Variants in GSK3B observed in about 807,000 individuals in gnomAD.
GSK3B encodes glycogen synthase kinase 3 beta, also known as glycogen synthase kinase-3 beta.
GSK3B carries 15 observed loss-of-function variants against 56.4 expected under a neutral mutation model. That is an observed-to-expected ratio of 0.27 (90% CI 0.18 to 0.41). GSK3B has a LOEUF of 0.41. GSK3B is among the 10% of genes least tolerant of loss of function. The pLI, the probability that GSK3B is intolerant of heterozygous loss-of-function variation, is 1.00. For missense variants in GSK3B, 300 were observed against 513.4 expected (o/e 0.58, Z 4.02); for synonymous variants, 181 against 188.9 (o/e 0.96, Z 0.34).
intron 2 of GSK3B, among the ~76,000 whole-genome samples, chr3:119,956,673 T>C (rs1172337322): frequency 1.3e-5 from 2 of 152,098 alleles, no homozygotes; most frequent in Non-Finnish European, 1.5e-5. Flanking sequence ...AAAAAGAAAT[T>C]AGTCAGAAAG....
intron 9 of GSK3B, among the ~76,000 whole-genome samples, chr3:119,849,126 T>C (rs1005742687): frequency 9.9e-5 from 15 of 152,202 alleles, no homozygotes; most frequent in African/African-American, 2.2e-4. Context: ...AAAGCATTAA[T>C]ATGTGGTTTT....
At chr3:119,954,333 T>C (rs2057191260) in intron 2 of GSK3B, among the ~76,000 whole-genome samples, 1 of 151,466 alleles carries the variant, frequency 6.6e-6, no homozygotes, top group Admixed American at 6.6e-5. Context: ...CAGAACAGCA[T>C]AGCATAAAAT....
chr3:119,998,087 A>T (rs941703071), intron 2 of GSK3B, among the ~76,000 whole-genome samples: 1 of 152,238 alleles, frequency 6.6e-6, no homozygotes, highest in African/African-American at 2.4e-5. Flanking sequence ...TATCACAAGC[A>T]AAGTCAACAC....
chr3:119,909,359 T>C (rs2056714300), intron 6 of GSK3B, among the ~76,000 whole-genome samples: 1 of 152,178 alleles, frequency 6.6e-6, no homozygotes, highest in Admixed American at 6.5e-5. Flanking sequence ...GGGGATGTTT[T>C]TGGTTTATTA....
intron 2 of GSK3B, among the ~76,000 whole-genome samples, chr3:119,957,199 A>C (rs1475971646): frequency 6.6e-6 from 1 of 152,214 alleles, no homozygotes; most frequent in African/African-American, 2.4e-5. Context: ...CATAACTATA[A>C]TTAGTGTGTA....
chr3:120,051,074 C>T (rs1299334886), intron 1 of GSK3B, among the ~76,000 whole-genome samples: 1 of 149,384 alleles, frequency 6.7e-6, no homozygotes, highest in Non-Finnish European at 1.5e-5. Flanking sequence ...ATCAGTGGGC[C>T]AAACACCAGG....
At chr3:119,950,686 T>C (rs1459913517) in intron 2 of GSK3B, among the ~76,000 whole-genome samples, 1 of 152,156 alleles carries the variant, frequency 6.6e-6, no homozygotes, top group African/African-American at 2.4e-5. Flanking sequence ...TCCCCCACAA[T>C]ACTTATAAAA....
At chr3:120,028,581 C>A (rs988741923) in intron 1 of GSK3B, among the ~76,000 whole-genome samples, 3 of 152,258 alleles carry the variant, frequency 2.0e-5, no homozygotes, top group Non-Finnish European at 4.4e-5. Context: ...AGCTCTACCT[C>A]TTCTGTGATC....
At chr3:119,842,242 G>A (rs983370777) in intron 10 of GSK3B, among the ~76,000 whole-genome samples, 10 of 152,090 alleles carry the variant, frequency 6.6e-5, no homozygotes, top group African/African-American at 2.4e-4. Context: ...CAAGGACACC[G>A]GTTCTCACTA....
chr3:119,831,395 T>C lies in GSK3B; in HGVS notation c.1196-4540A>G, dbSNP rs903029905. ...AGAGTGGGCCGGGCGCGGTGGCTCA[T>C]GACTGTAATCCCAGCACTTTGGGAG... On this transcript the variant is annotated intron_variant, in intron 10 of 10. Coordinates refer to ENST00000264235, the MANE Select transcript of GSK3B (RefSeq NM_001146156.2). Among the ~76,000 whole-genome samples, 7 of 152,218 alleles carry C rather than the reference T, an allele frequency of 4.6e-5. No individual in the cohort carries two copies. In the South Asian group the frequency reaches 6.2e-4, roughly 14 times the overall value.
intron 1 of GSK3B, among the ~76,000 whole-genome samples, chr3:120,026,076 A>G (rs2057920386): frequency 6.6e-6 from 1 of 152,246 alleles, no homozygotes; most frequent in South Asian, 2.1e-4. Context: ...AAGTTGGGAA[A>G]GAAAATGTAT....
At position 119,863,425 on chromosome 3, in the gene GSK3B, T is replaced by A; in HGVS notation, c.1090A>T (p.Thr364Ser). The A allele has an allele frequency of 1.9e-6, 3 of 1,612,766 alleles. No individual in the cohort carries two copies. Among genetic ancestry groups the A allele is most frequent in the Non-Finnish European group, 2.5e-6 (3 of 1,178,828 alleles). ...GCTAAGTGTTTGGAGTTACCTTGAG[T>A]GGTGAAGTTGAAGAGTGCAGGTGTG... Reference protein sequence around the residue: ...RDTPALFNFTTQELSSNPPLA... With the variant: ...RDTPALFNFTSQELSSNPPLA... Residue 364 changes from threonine (T) to serine (S), a missense_variant, in exon 9 of 11, where the codon ACT becomes TCT. Around this residue, in one of 6 missense-constraint regions of GSK3B, gnomAD observed 88 missense variants for 92.7 expected, o/e 0.95. Transcript: ENST00000264235.
chr3:119,977,119 C>T lies in GSK3B; in HGVS notation c.282+24927G>A, dbSNP rs140526798. 3.1e-3 allele frequency among the ~76,000 whole-genome samples: 474 copies of T among 152,258 alleles called. 4 individuals carry two copies. The highest frequency in any genetic ancestry group is 7.5e-3 in the Admixed American group (115 of 15,298). On this transcript the variant is annotated intron_variant, in intron 2 of 10. Transcript: ENST00000264235. ...TTTTAACAGCAAACTCAATACAGTT[C>T]TTCCACATCAATCTTTGTTAATTCC...
At chr3:119,832,586 A>G (rs1160716158) in intron 10 of GSK3B, among the ~76,000 whole-genome samples, 1 of 152,244 alleles carries the variant, frequency 6.6e-6, no homozygotes, top group Non-Finnish European at 1.5e-5. Flanking sequence ...TCCCTACACA[A>G]TTAGGTGTGC....
chr3:119,923,394 C>A lies in GSK3B; in HGVS notation c.456G>T (p.Thr152=), dbSNP rs17183890. ...VARHYSRAKQ[T]LPVIYVKLYM... is the part of the protein sequence containing the mutation. Reference sequence around the variant, plus strand: ...ATACCTTGACATAAATCACAGGGAGCGTCTGTTTGGCTCGACTATAGTGTC... The same window carrying A: ...ATACCTTGACATAAATCACAGGGAGAGTCTGTTTGGCTCGACTATAGTGTC... The change falls in exon 4 of 11, where the codon ACG becomes ACT. Residue 152 remains threonine, a synonymous_variant. Coordinates refer to ENST00000264235, the MANE Select transcript of GSK3B (RefSeq NM_001146156.2). 1.3e-6 allele frequency: 2 copies of A among 1,573,906 alleles called. No homozygotes were observed. Among genetic ancestry groups the A allele is most frequent in the African/African-American group, 2.7e-5 (2 of 74,084 alleles).
At chr3:119,919,648 A>C (rs1027757124) in intron 4 of GSK3B, among the ~76,000 whole-genome samples, 6 of 152,028 alleles carry the variant, frequency 3.9e-5, no homozygotes, top group Non-Finnish European at 7.4e-5. Context: ...TTTCTTTTTT[A>C]AAATACAGGA....
chr3:119,823,116 C>A lies in GSK3B; in HGVS notation c.*3672G>T, dbSNP rs1027698632. The A allele has an allele frequency of 1.7e-5, 4 of 228,986 alleles. No homozygotes were observed. Among genetic ancestry groups the A allele is most frequent in the African/African-American group, 8.9e-5 (4 of 45,172 alleles). The allele number at this position is 228,986 out of a possible 1,614,324, so 14.2% of individuals were successfully genotyped here. A position where few individuals can be genotyped will look rare whatever the true frequency, so the allele number is the denominator to read the frequency against. The stretch of plus-strand genomic sequence containing the variant: ...CTTCTGCCTTGCTGGAATGAACACA[C>A]GATGTTTCAAAAATAGTAACCTTTG... On this transcript the variant is annotated 3_prime_UTR_variant, in exon 11 of 11. Coordinates refer to ENST00000264235, the MANE Select transcript of GSK3B (RefSeq NM_001146156.2).
chr3:119,867,826 T>C (rs1483146486), intron 8 of GSK3B, among the ~76,000 whole-genome samples: 1 of 152,176 alleles, frequency 6.6e-6, no homozygotes, highest in African/African-American at 2.4e-5. Context: ...CGGATTACTT[T>C]TAGTCTGCAG....
chr3:120,063,205 T>A (rs1431804908), intron 1 of GSK3B, among the ~76,000 whole-genome samples: 1 of 152,234 alleles, frequency 6.6e-6, no homozygotes, highest in African/African-American at 2.4e-5. Flanking sequence ...CTTCTGGAGA[T>A]ATGAATAGAG....
Sources: gnomAD v4.1 joint callset for allele counts (sites outside exome capture counted in the v4.1 genomes callset) on GRCh38, gnomAD v4.1.1 for gene constraint, gnomAD v4.1.1 regional missense constraint, MANE v1.5 for transcripts, NCBI Gene and HGNC (gene_info 2026-07-23, HGNC 2026-07-21) for gene names.